Variants in MICOS10 observed in about 807,000 individuals in gnomAD.
MICOS10 encodes the protein MICOS complex subunit MIC10.
Under a neutral mutation model 13.4 loss-of-function variants are expected in MICOS10, and 5 were observed. That is an observed-to-expected ratio of 0.37 (90% CI 0.20 to 0.78). The LOEUF is 0.78. Among genes scored for constraint, MICOS10 ranks in the 30% least tolerant of loss-of-function variants. MICOS10 has a pLI of 0.47. For missense variants in MICOS10, 101 were observed against 94.6 expected (o/e 1.07, Z -0.28); for synonymous variants, 35 against 33.6 (o/e 1.04, Z -0.15).
At chr1:19,610,531 A>C (rs764687513) in intron 1 of MICOS10, among the ~76,000 whole-genome samples, 41 of 151,530 alleles carry the variant, frequency 2.7e-4, no homozygotes, top group Non-Finnish European at 5.2e-4. Flanking sequence ...GGCTCGTACC[A>C]CCATGCCCAC....
chr1:19,625,485 G>T, intron 3 of MICOS10: 2 of 1,289,448 alleles, frequency 1.6e-6, no homozygotes, highest in Non-Finnish European at 2.0e-6. Flanking sequence ...CAAGAGTGAG[G>T]TCATCACAGG....
chr1:19,622,781 C>T lies in MICOS10; in HGVS notation c.112+634C>T, dbSNP rs190136124. Among the ~76,000 whole-genome samples the T allele has an allele frequency of 1.6e-3, 239 of 152,242 alleles. 1 individual carries two copies. Among genetic ancestry groups the T allele is most frequent in the African/African-American group, 5.2e-3 (214 of 41,534 alleles). On this transcript the variant is annotated intron_variant, in intron 2 of 3. Transcript: ENST00000322753. ...CCATGACTTACTACTACAATCAAAGCATGTAAATATCGGTAAAATGCTTAC... is the reference window on the plus strand; with the variant it reads ...CCATGACTTACTACTACAATCAAAGTATGTAAATATCGGTAAAATGCTTAC...
intron 1 of MICOS10, among the ~76,000 whole-genome samples, chr1:19,604,779 C>G (rs886172401): frequency 2.0e-5 from 3 of 152,110 alleles, no homozygotes; most frequent in Admixed American, 6.5e-5. Context: ...GCCCTACCCT[C>G]GAGGGGCTTA....
chr1:19,623,802 C>T lies in MICOS10; in HGVS notation c.222+219C>T, dbSNP rs2094912564. On this transcript the variant is annotated intron_variant, in intron 3 of 3. Transcript: ENST00000322753. Reference sequence around the variant, plus strand: ...ATGCGTATGTACGTTCAGATATATACTCATGTGCTAGCCGATTGGAATTAA... The same window carrying T: ...ATGCGTATGTACGTTCAGATATATATTCATGTGCTAGCCGATTGGAATTAA... The T allele has an allele frequency of 7.0e-6, 3 of 426,006 alleles. No homozygotes were observed. In the East Asian group the frequency reaches 1.1e-4, roughly 16 times the overall value. 26.4% of individuals were successfully genotyped at this position (426,006 alleles called of 1,614,324 possible). A position where few individuals can be genotyped will look rare whatever the true frequency, so the allele number is the denominator to read the frequency against.
At chr1:19,626,141 T>C (rs992526941) in intron 3 of MICOS10, among the ~76,000 whole-genome samples, 2 of 152,326 alleles carry the variant, frequency 1.3e-5, no homozygotes, top group Admixed American at 6.5e-5. Context: ...GGAATTGTTA[T>C]CCAGGTCATG....
chr1:19,624,377 C>T (rs2094915080), intron 3 of MICOS10, among the ~76,000 whole-genome samples: 1 of 150,726 alleles, frequency 6.6e-6, no homozygotes, highest in South Asian at 2.1e-4. Context: ...ACCTCTGCCT[C>T]CCGGGTTCAA....
chr1:19,600,934 G>T, intron 1 of MICOS10: 4 of 1,289,364 alleles, frequency 3.1e-6, no homozygotes, highest in Non-Finnish European at 3.0e-6. Flanking sequence ...GCTTGGCAAA[G>T]ACTGAAGGGA....
At chr1:19,608,405 C>G in intron 1 of MICOS10, 1 of 1,268,318 alleles carries the variant, frequency 7.9e-7, no homozygotes, top group South Asian at 1.2e-5. Flanking sequence ...CATCCAACTC[C>G]GGGCCACAGG....
At chr1:19,604,916 G>C (rs1010606238) in intron 1 of MICOS10, among the ~76,000 whole-genome samples, 61 of 152,156 alleles carry the variant, frequency 4.0e-4, no homozygotes, top group African/African-American at 1.4e-3. Context: ...AAAGGAGAGG[G>C]ATACTTTGGT....
intron 1 of MICOS10, among the ~76,000 whole-genome samples, chr1:19,606,267 T>C (rs1048715822): frequency 6.6e-6 from 1 of 152,088 alleles, no homozygotes; most frequent in Non-Finnish European, 1.5e-5. Flanking sequence ...ATGAGCATGG[T>C]GTTGCTTTTG....
At chr1:19,624,351 A>G (rs554534151) in intron 3 of MICOS10, among the ~76,000 whole-genome samples, 8 of 150,946 alleles carry the variant, frequency 5.3e-5, no homozygotes, top group Non-Finnish European at 7.4e-5. Flanking sequence ...CAGTGGCACA[A>G]TCTTGGCTCA....
At chr1:19,617,462 T>G (rs1442736411) in intron 1 of MICOS10, 2 of 221,116 alleles carry the variant, frequency 9.0e-6, no homozygotes, top group African/African-American at 4.7e-5. Context: ...TCTGGCACTT[T>G]CCTGGTTAAT....
intron 1 of MICOS10, among the ~76,000 whole-genome samples, chr1:19,603,053 G>A (rs2094821660): frequency 6.6e-6 from 1 of 152,156 alleles, no homozygotes; most frequent in Admixed American, 6.5e-5. Context: ...CACTAGGCCG[G>A]GCTCGCTGGC....
chr1:19,628,909 C>T lies in MICOS10; in HGVS notation c.*2508C>T, dbSNP rs2094930291. The T allele has an allele frequency of 6.6e-6, 1 of 152,216 alleles. No homozygotes were observed. Among genetic ancestry groups the T allele is most frequent in the African/African-American group, 2.4e-5 (1 of 41,440 alleles). The allele number at this position is 152,216 out of a possible 1,614,324, so 9.4% of individuals were successfully genotyped here. ...GCTTTAGGCATTTATTTGGATGGATCCCTTTGGCACCTTGGAAGCACCACT... is the reference window on the plus strand; with the variant it reads ...GCTTTAGGCATTTATTTGGATGGATTCCTTTGGCACCTTGGAAGCACCACT... On this transcript the variant is annotated 3_prime_UTR_variant, in exon 4 of 4. Transcript: ENST00000322753.
chr1:19,623,498 G>A lies in MICOS10; in HGVS notation c.137G>A (p.Gly46Asp). ...GGAAGAATGTGGCCATTAGCCTTCG[G>A]TTCTGGCATGGGATTAGGAATGGCT... ...FKRRMWPLAF[G>D]SGMGLGMAYS... The change falls in exon 3 of 4, where the codon GGT becomes GAT. Residue 46 changes from glycine (G) to aspartate (D), a missense_variant. Transcript: ENST00000322753. 1 of 1,612,212 alleles carries A rather than the reference G, an allele frequency of 6.2e-7. No individual in the cohort carries two copies. The highest frequency in any genetic ancestry group is 8.5e-7 in the Non-Finnish European group (1 of 1,179,364).
intron 1 of MICOS10, among the ~76,000 whole-genome samples, chr1:19,611,390 A>G (rs1320481791): frequency 1.3e-5 from 2 of 152,094 alleles, no homozygotes; most frequent in Non-Finnish European, 2.9e-5. Flanking sequence ...TTGACACTAA[A>G]ATAAATGCTA....
intron 3 of MICOS10, chr1:19,625,276 A>C: frequency 3.7e-6 from 4 of 1,070,608 alleles, no homozygotes; most frequent in Non-Finnish European, 4.9e-6. Context: ...AACAACAAGT[A>C]GAGTGGAAAA....
chr1:19,611,087 G>T (rs1320191783), intron 1 of MICOS10, among the ~76,000 whole-genome samples: 3 of 151,876 alleles, frequency 2.0e-5, no homozygotes, highest in Non-Finnish European at 4.4e-5. Context: ...AAGTAGCTGG[G>T]ATTACAGGCG....
chr1:19,626,566 T>G lies in MICOS10; in HGVS notation c.*165T>G. 1.4e-6 allele frequency: 1 copy of G among 725,362 alleles called. No homozygotes were observed. Among genetic ancestry groups the G allele is most frequent in the South Asian group, 1.8e-5 (1 of 55,560 alleles). 44.9% of individuals were successfully genotyped at this position (725,362 alleles called of 1,614,324 possible). A position where few individuals can be genotyped will look rare whatever the true frequency, so the allele number is the denominator to read the frequency against. On this transcript the variant is annotated 3_prime_UTR_variant, in exon 4 of 4. Coordinates refer to ENST00000322753, the MANE Select transcript of MICOS10 (RefSeq NM_001032363.4). The stretch of plus-strand genomic sequence containing the variant: ...CATTTGAAACCAAGTCTGTTTCTTG[T>G]TTTGTATTTTCTCTCTGGAAGTTGT...
Sources: allele counts gnomAD v4.1 joint callset (sites outside exome capture counted in the v4.1 genomes callset), GRCh38; gene constraint gnomAD v4.1.1; transcripts MANE v1.5; gene names NCBI Gene and HGNC (gene_info 2026-07-23, HGNC 2026-07-21).